Variants in GAP43 observed in about 807,000 individuals in gnomAD.
GAP43 encodes neuromodulin.
In GAP43, 6 loss-of-function variants were observed where a neutral mutation model predicts 18.6. That is an observed-to-expected ratio of 0.32 (90% CI 0.18 to 0.64). GAP43 has a LOEUF of 0.64. Among genes scored for constraint, GAP43 ranks in the 30% least tolerant of loss-of-function variants. The pLI is 0.78. For synonymous variants in GAP43, 115 were observed against 111.4 expected (o/e 1.03, Z -0.20); for missense variants, 292 against 295.5 (o/e 0.99, Z 0.09).
At chr3:115,700,142 T>A (rs1709278540) in intron 2 of GAP43, among the ~76,000 whole-genome samples, 1 of 152,184 alleles carries the variant, frequency 6.6e-6, no homozygotes, top group South Asian at 2.1e-4. Context: ...TCTGTTAATA[T>A]AAACAACTTT....
At chr3:115,636,788 G>A (rs952589596) in intron 1 of GAP43, among the ~76,000 whole-genome samples, 1 of 151,924 alleles carries the variant, frequency 6.6e-6, no homozygotes, top group Non-Finnish European at 1.5e-5. Context: ...ATCTCCTAGT[G>A]GCTCTGGCAT....
At chr3:115,696,952 C>A (rs1055085858) in intron 2 of GAP43, among the ~76,000 whole-genome samples, 1 of 152,046 alleles carries the variant, frequency 6.6e-6, no homozygotes, top group African/African-American at 2.4e-5. Context: ...CCTGCCTTAG[C>A]CTCCTGAGTA....
At chr3:115,683,139 GCGCGCGCGCACA>G (rs1485898539) in intron 2 of GAP43, among the ~76,000 whole-genome samples, 96 of 126,190 alleles carry the variant, frequency 7.6e-4, no homozygotes, top group African/African-American at 2.8e-3. Context: ...GCGCGTGCGC[GCGCGCGCGCACA>G]CACACACACA....
At chr3:115,713,987 C>T (rs1709471047) in intron 2 of GAP43, among the ~76,000 whole-genome samples, 1 of 152,194 alleles carries the variant, frequency 6.6e-6, no homozygotes, top group African/African-American at 2.4e-5. Flanking sequence ...TGCTTCTTAT[C>T]TAGCTGTTCT....
intron 2 of GAP43, among the ~76,000 whole-genome samples, chr3:115,717,395 C>T (rs990916597): frequency 6.6e-5 from 10 of 151,528 alleles, no homozygotes; most frequent in African/African-American, 1.5e-4. Context: ...CTGTAACCTC[C>T]GCCTCCCAGG....
chr3:115,635,368 T>C (rs1708314696), intron 1 of GAP43, among the ~76,000 whole-genome samples: 1 of 152,108 alleles, frequency 6.6e-6, no homozygotes, highest in African/African-American at 2.4e-5. Flanking sequence ...ATCCATAATG[T>C]TGGACAATTA....
chr3:115,646,957 G>C (rs1010579111), intron 1 of GAP43, among the ~76,000 whole-genome samples: 1 of 151,926 alleles, frequency 6.6e-6, no homozygotes, highest in African/African-American at 2.4e-5. Flanking sequence ...CATTGTGATG[G>C]GGGCAGAGGG....
intron 2 of GAP43, among the ~76,000 whole-genome samples, chr3:115,700,152 T>C (rs1458416081): frequency 6.6e-6 from 1 of 152,202 alleles, no homozygotes; most frequent in African/African-American, 2.4e-5. Flanking sequence ...TAAACAACTT[T>C]GCAGAACACC....
chr3:115,711,965 G>A (rs1577003175), intron 2 of GAP43, among the ~76,000 whole-genome samples: 1 of 152,142 alleles, frequency 6.6e-6, no homozygotes. Context: ...TTGAGGGCAA[G>A]TAGGCAAGCC....
intron 1 of GAP43, among the ~76,000 whole-genome samples, chr3:115,641,025 G>GT (rs755356206): frequency 0.012 from 595 of 48,956 alleles, 3 homozygotes; most frequent in African/African-American, 0.033. Flanking sequence ...GCTTTATTCT[G>GT]TTTTTTTTTT....
intron 1 of GAP43, among the ~76,000 whole-genome samples, chr3:115,641,959 C>A (rs1559790205): frequency 6.6e-6 from 1 of 152,012 alleles, no homozygotes; most frequent in African/African-American, 2.4e-5. Flanking sequence ...CCTGTTGAAG[C>A]CTGGGGAGCA....
intron 1 of GAP43, among the ~76,000 whole-genome samples, chr3:115,632,298 G>A (rs1708270126): frequency 1.3e-5 from 2 of 152,082 alleles, no homozygotes; most frequent in African/African-American, 4.8e-5. Context: ...GACTGAAAAT[G>A]TAGATACAGT....
intron 1 of GAP43, among the ~76,000 whole-genome samples, chr3:115,661,478 G>T (rs950755605): frequency 4.6e-5 from 7 of 151,932 alleles, no homozygotes; most frequent in Non-Finnish European, 8.8e-5. Flanking sequence ...CTTTGTTTTT[G>T]TTTGTTTGTT....
At chr3:115,707,560 A>G (rs1453565067) in intron 2 of GAP43, among the ~76,000 whole-genome samples, 1 of 152,114 alleles carries the variant, frequency 6.6e-6, no homozygotes, top group African/African-American at 2.4e-5. Flanking sequence ...CAAAGTGCTG[A>G]GATTACAGGC....
chr3:115,655,507 C>G (rs1708569755), intron 1 of GAP43, among the ~76,000 whole-genome samples: 1 of 152,110 alleles, frequency 6.6e-6, no homozygotes, highest in African/African-American at 2.4e-5. Flanking sequence ...ATATGCATAT[C>G]ACTATAAGCT....
intron 1 of GAP43, among the ~76,000 whole-genome samples, chr3:115,670,331 A>G (rs1317346372): frequency 6.6e-6 from 1 of 150,916 alleles, no homozygotes; most frequent in African/African-American, 2.4e-5. Context: ...TGAACTCATC[A>G]TTTTTTATGG....
chr3:115,687,994 C>T (rs200859339), intron 2 of GAP43, among the ~76,000 whole-genome samples: 7 of 146,208 alleles, frequency 4.8e-5, no homozygotes, highest in African/African-American at 5.2e-5. Flanking sequence ...GGGTTACTAA[C>T]GAAATTTTTT....
At chr3:115,696,913 A>G (rs1709199098) in intron 2 of GAP43, among the ~76,000 whole-genome samples, 1 of 151,824 alleles carries the variant, frequency 6.6e-6, no homozygotes, top group Admixed American at 6.6e-5. Context: ...GCTCACTGCA[A>G]CCTCCACCTC....
At chr3:115,662,839 C>T (rs764677670) in intron 1 of GAP43, among the ~76,000 whole-genome samples, 3 of 152,212 alleles carry the variant, frequency 2.0e-5, no homozygotes, top group African/African-American at 4.8e-5. Context: ...GACCTCAAGA[C>T]TGCAGAATTA....
Sources: allele counts gnomAD v4.1 joint callset (sites outside exome capture counted in the v4.1 genomes callset), GRCh38; gene constraint gnomAD v4.1.1; transcripts MANE v1.5; gene names NCBI Gene and HGNC (gene_info 2026-07-23, HGNC 2026-07-21).